Variants in OTOGL observed in about 807,000 individuals in gnomAD.
OTOGL encodes otogelin-like protein.
OTOGL carries 285 observed loss-of-function variants against 318.5 expected under a neutral mutation model. That is an observed-to-expected ratio of 0.89 (90% CI 0.81 to 0.99). OTOGL has a LOEUF of 0.99. Among genes scored for constraint, OTOGL ranks in the 50% least tolerant of loss-of-function variants. The pLI is 0.00. For missense variants in OTOGL, 2,899 were observed against 2,845.6 expected (o/e 1.02, Z -0.43); for synonymous variants, 987 against 936.5 (o/e 1.05, Z -0.99).
At chr12:80,367,802 G>A in intron 54 of OTOGL, 63 bp downstream of exon 54, 1 of 1,166,486 alleles carries the variant, frequency 8.6e-7, no homozygotes, top group Non-Finnish European at 1.1e-6. Flanking sequence ...CAGAGTTATA[G>A]AATTTGAAAT....
rs1364430295 is a variant in OTOGL, at chr12:80,278,261, A to G, written c.2775A>G (p.Thr925=). ...ATCTCTCAGGAGAAGTGATTGCTAC[A>G]CCGTGTTACACCTGGTAAGGAGATC... is the stretch of plus-strand genomic sequence containing the variant. ...WEYLSGEVIA[T]PCYTCVCRRG... is the part of the protein sequence containing the mutation. The change falls in exon 25 of 59, where the codon ACA becomes ACG. Residue 925 remains threonine, a synonymous_variant. Transcript: ENST00000547103. 2.6e-6 allele frequency: 4 copies of G among 1,536,252 alleles called. No homozygotes were observed. The highest frequency in any genetic ancestry group is 2.5e-5 in the East Asian group (1 of 40,798).
intron 44 of OTOGL, among the ~76,000 whole-genome samples, chr12:80,349,867 A>G (rs1433410775): frequency 2.0e-5 from 3 of 152,224 alleles, no homozygotes; most frequent in Non-Finnish European, 4.4e-5. Flanking sequence ...TGAAGTGTCT[A>G]TACATTGTGG....
At chr12:80,174,909 G>A (rs1054684025) in intron 1 of OTOGL, among the ~76,000 whole-genome samples, 26 of 151,502 alleles carry the variant, frequency 1.7e-4, no homozygotes, top group African/African-American at 6.3e-4. Flanking sequence ...TCTTCAATAA[G>A]TGGCGAGGGC....
chr12:80,160,936 G>A (rs779479880), intron 1 of OTOGL, among the ~76,000 whole-genome samples: 1 of 152,052 alleles, frequency 6.6e-6, no homozygotes, highest in Non-Finnish European at 1.5e-5. Flanking sequence ...TCCCAGCAAC[G>A]TGAATGGAAC....
chr12:80,330,266 A>G (rs916328670), intron 37 of OTOGL, among the ~76,000 whole-genome samples: 1 of 152,206 alleles, frequency 6.6e-6, no homozygotes, highest in African/African-American at 2.4e-5. Context: ...GTTAGCTACC[A>G]TTTGAGTACT....
chr12:80,220,084 G>C (rs894465871), intron 6 of OTOGL, among the ~76,000 whole-genome samples, 172 bp downstream of exon 6: 4 of 152,050 alleles, frequency 2.6e-5, no homozygotes, highest in Non-Finnish European at 4.4e-5. Flanking sequence ...AAAGTAGATA[G>C]GGCCACTTTC....
Position 80,261,380 on chromosome 12 carries a change from G to A in OTOGL, c.1890-589G>A, listed in dbSNP as rs975741438. On this transcript the variant is annotated intron_variant, in intron 18 of 58. Coordinates refer to ENST00000547103, the MANE Select transcript of OTOGL (RefSeq NM_001378609.3). The stretch of plus-strand genomic sequence containing the variant: ...TTGCAGTGTTTGTTTCCTAAACACT[G>A]TTGTAGTTTTAAGATAGATGTTTTT... Among the ~76,000 whole-genome samples, 7 of 152,230 alleles carry A rather than the reference G, an allele frequency of 4.6e-5. No individual in the cohort carries two copies. In the East Asian group the frequency reaches 1.4e-3, roughly 29 times the overall value.
At chr12:80,330,135 G>A (rs535738574) in intron 37 of OTOGL, among the ~76,000 whole-genome samples, 16 of 152,154 alleles carry the variant, frequency 1.1e-4, no homozygotes, top group South Asian at 6.2e-4. Flanking sequence ...GAATTGTGCC[G>A]AAAGGTGGAG....
chr12:80,366,653 G>A lies in OTOGL; in HGVS notation c.6331+16G>A, dbSNP rs755488213. The stretch of plus-strand genomic sequence containing the variant: ...TATCTCTGTGGTAACTATGTCTTTT[G>A]TAACTTTTAAATTATAAATGAATAT... On this transcript the variant is annotated intron_variant, in intron 53 of 58. Coordinates refer to ENST00000547103, the MANE Select transcript of OTOGL (RefSeq NM_001378609.3). 3 of 1,265,974 alleles carry A rather than the reference G, an allele frequency of 2.4e-6. No individual in the cohort carries two copies. The highest frequency in any genetic ancestry group is 4.0e-5 in the South Asian group (2 of 50,528). The allele number at this position is 1,265,974 out of a possible 1,614,324, so 78.4% of individuals were successfully genotyped here. A position where few individuals can be genotyped will look rare whatever the true frequency, so the allele number is the denominator to read the frequency against.
At chr12:80,205,604 T>C (rs895570912) in intron 1 of OTOGL, among the ~76,000 whole-genome samples, 1 of 152,112 alleles carries the variant, frequency 6.6e-6, no homozygotes, top group Non-Finnish European at 1.5e-5. Context: ...ACATTCAGAG[T>C]GGCAAACATC....
chr12:80,355,976 T>A (rs367762356), intron 47 of OTOGL, 28 bp downstream of exon 47: 2 of 1,593,736 alleles, frequency 1.3e-6, no homozygotes, highest in Admixed American at 3.3e-5. Flanking sequence ...TTATAGTCAA[T>A]TGATTCCACA....
At chr12:80,312,582 A>G (rs1886705206) in intron 30 of OTOGL, among the ~76,000 whole-genome samples, 1 of 152,158 alleles carries the variant, frequency 6.6e-6, no homozygotes. Flanking sequence ...GGACTGCCAT[A>G]TTAGAGCCAC....
At chr12:80,307,948 A>G (rs1160652504) in intron 29 of OTOGL, among the ~76,000 whole-genome samples, 529 of 50,054 alleles carry the variant, frequency 0.011, no homozygotes, top group African/African-American at 0.017. Flanking sequence ...TCCCGGACGG[A>G]GCGGCTGGCC....
intron 44 of OTOGL, among the ~76,000 whole-genome samples, chr12:80,350,878 T>C (rs1889499611): frequency 6.6e-6 from 1 of 152,188 alleles, no homozygotes; most frequent in Admixed American, 6.5e-5. Context: ...ATTGATTGTT[T>C]ACTTTGCTGT....
intron 8 of OTOGL, among the ~76,000 whole-genome samples, chr12:80,231,173 T>A (rs1879325221): frequency 6.6e-6 from 1 of 152,208 alleles, no homozygotes; most frequent in Non-Finnish European, 1.5e-5. Context: ...AAGATTCACT[T>A]CTTTTAAGTA....
chr12:80,116,376 G>A (rs757192470), intron 1 of OTOGL, among the ~76,000 whole-genome samples: 3 of 151,954 alleles, frequency 2.0e-5, no homozygotes, highest in Non-Finnish European at 2.9e-5. Flanking sequence ...TCTGTGGGCT[G>A]CATCCACTGT....
chr12:80,221,964 C>A, intron 6 of OTOGL, 127 bp from the exon 7 acceptor site: 1 of 993,370 alleles, frequency 1.0e-6, no homozygotes, highest in Non-Finnish European at 1.4e-6. Flanking sequence ...TTAGTTATTT[C>A]TTCCTGTGTT....
chr12:80,333,097 T>A lies in OTOGL; in HGVS notation c.4422+19T>A. The stretch of plus-strand genomic sequence containing the variant: ...ATGTGAGGTATGACTGAGCAATATC[T>A]TCCAGCTCTTTGTCATTTCCATATA... On this transcript the variant is annotated intron_variant, in intron 38 of 58. Coordinates refer to ENST00000547103, the MANE Select transcript of OTOGL (RefSeq NM_001378609.3). The A allele has an allele frequency of 6.4e-7, 1 of 1,554,630 alleles. No homozygotes were observed. Among genetic ancestry groups the A allele is most frequent in the Non-Finnish European group, 8.8e-7 (1 of 1,137,380 alleles).
At chr12:80,356,277 T>G (rs1228295794) in intron 47 of OTOGL, 139 bp from the exon 48 acceptor site, 6 of 660,748 alleles carry the variant, frequency 9.1e-6, no homozygotes. Context: ...GTGGGTTAAC[T>G]GCAGTGTAAA....
Sources: allele counts gnomAD v4.1 joint callset (sites outside exome capture counted in the v4.1 genomes callset), GRCh38; gene constraint gnomAD v4.1.1; transcripts MANE v1.5; gene names NCBI Gene and HGNC (gene_info 2026-07-23, HGNC 2026-07-21).